Variants in TBC1D22A observed in about 807,000 individuals in gnomAD.
The protein encoded by TBC1D22A is putative GTPase activator.
TBC1D22A carries 38 observed loss-of-function variants against 60.2 expected under a neutral mutation model. The ratio of observed to expected loss-of-function variants is 0.63; its 90% CI spans 0.49 to 0.83. The LOEUF is 0.83. TBC1D22A is among the 40% of genes least tolerant of loss of function. The pLI, the probability that TBC1D22A is intolerant of heterozygous loss-of-function variation, is 0.00. For missense variants in TBC1D22A, 628 were observed against 701.0 expected, an observed-to-expected ratio of 0.90 and a Z score of 1.18; for synonymous variants, 302 against 281.7, an observed-to-expected ratio of 1.07 and a Z score of -0.72.
intron 4 of TBC1D22A, among the ~76,000 whole-genome samples, chr22:46,814,626 A>G (rs996277321): frequency 6.6e-6 from 1 of 151,756 alleles, no homozygotes; most frequent in African/African-American, 2.4e-5. Context: ...ATCTAATTAT[A>G]TATCTTCTTA....
intron 11 of TBC1D22A, among the ~76,000 whole-genome samples, chr22:47,097,347 G>T (rs570162685): frequency 7.8e-4 from 119 of 152,338 alleles, no homozygotes; most frequent in Non-Finnish European, 1.4e-3. Flanking sequence ...TGGGCACGGT[G>T]ACTCATGCCT....
chr22:47,012,978 G>A (rs554867658), intron 10 of TBC1D22A, among the ~76,000 whole-genome samples: 1 of 152,288 alleles, frequency 6.6e-6, no homozygotes, highest in South Asian at 2.1e-4. Context: ...ATGGCTTTTG[G>A]AAAGCCATCG....
At chr22:46,822,558 C>T (rs573672227) in intron 4 of TBC1D22A, among the ~76,000 whole-genome samples, 3 of 152,276 alleles carry the variant, frequency 2.0e-5, no homozygotes, top group African/African-American at 7.2e-5. Flanking sequence ...AACTGATTCA[C>T]TCCCATGCCT....
chr22:46,806,783 G>A (rs115884189), intron 4 of TBC1D22A, among the ~76,000 whole-genome samples: 1,995 of 152,276 alleles, frequency 0.013, 51 homozygotes, highest in African/African-American at 0.046. Flanking sequence ...CTGAGAGGGC[G>A]GAGGTGAGTG....
rs548415759 is a variant in TBC1D22A, at chr22:47,073,314, A to T, written c.1329+36116A>T. Among the ~76,000 whole-genome samples, 7 of 152,312 alleles carry T rather than the reference A, an allele frequency of 4.6e-5. No individual in the cohort carries two copies. The South Asian group carries it at 1.5e-3, about 32-fold the overall frequency. On this transcript the variant is annotated intron_variant, in intron 11 of 12. Coordinates refer to ENST00000337137, the MANE Select transcript of TBC1D22A (RefSeq NM_014346.5). Reference sequence around the variant, plus strand: ...TTCCAGATACTGAAGCACAGAGTCTATTTTGTGCCGCTGGCGGTTTCATTA... The same window carrying T: ...TTCCAGATACTGAAGCACAGAGTCTTTTTTGTGCCGCTGGCGGTTTCATTA...
chr22:46,938,591 T>C (rs558809983), intron 8 of TBC1D22A, among the ~76,000 whole-genome samples: 73 of 147,634 alleles, frequency 4.9e-4, no homozygotes, highest in African/African-American at 1.7e-3. Context: ...ATTTCTCTCT[T>C]TTTTTTTTTT....
intron 11 of TBC1D22A, among the ~76,000 whole-genome samples, chr22:47,083,764 G>A (rs1209510427): frequency 6.6e-6 from 1 of 152,146 alleles, no homozygotes; most frequent in Non-Finnish European, 1.5e-5. Flanking sequence ...ATATTCAAAT[G>A]GCCATCAAAC....
chr22:47,132,072 T>G (rs2066697458), intron 12 of TBC1D22A, among the ~76,000 whole-genome samples: 1 of 152,154 alleles, frequency 6.6e-6, no homozygotes, highest in South Asian at 2.1e-4. Flanking sequence ...CTCCCTCGGT[T>G]TCTGCACATA....
chr22:46,811,604 T>C (rs1394356313), intron 4 of TBC1D22A, among the ~76,000 whole-genome samples: 1 of 152,212 alleles, frequency 6.6e-6, no homozygotes, highest in African/African-American at 2.4e-5. Flanking sequence ...TCGAGCTGCG[T>C]GCTGAGCGCG....
intron 9 of TBC1D22A, among the ~76,000 whole-genome samples, chr22:46,985,690 G>C (rs1173804869): frequency 6.6e-6 from 1 of 152,106 alleles, no homozygotes; most frequent in Non-Finnish European, 1.5e-5. Context: ...TCTGGTCTTG[G>C]GCTGTTGTGA....
intron 1 of TBC1D22A, among the ~76,000 whole-genome samples, chr22:46,788,013 TG>T (rs1325549096): frequency 6.7e-6 from 1 of 149,466 alleles, no homozygotes; most frequent in East Asian, 2.0e-4. Flanking sequence ...CTCGGCTCAC[TG>T]CAAGCTCTGC....
Position 46,777,593 on chromosome 22 carries a change from G to A in TBC1D22A, c.62+14745G>A, listed in dbSNP as rs1160028098. Among the ~76,000 whole-genome samples the A allele has an allele frequency of 1.3e-5, 2 of 152,186 alleles. No individual in the cohort carries two copies. Among genetic ancestry groups the A allele is most frequent in the South Asian group, 2.1e-4 (1 of 4,828 alleles). ...TGAGGACTCGGCTTTGGGGAGCAGAGTTGGGAACACACAGAAGAGTCTGGG... is the reference window on the plus strand; with the variant it reads ...TGAGGACTCGGCTTTGGGGAGCAGAATTGGGAACACACAGAAGAGTCTGGG... On this transcript the variant is annotated intron_variant, in intron 1 of 12. Coordinates refer to ENST00000337137, the MANE Select transcript of TBC1D22A (RefSeq NM_014346.5). The surrounding 1 kb of genome is among the most constrained non-coding windows in gnomAD (Gnocchi z 4.5).
intron 12 of TBC1D22A, among the ~76,000 whole-genome samples, chr22:47,124,035 G>A (rs1427103794): frequency 6.6e-6 from 1 of 152,186 alleles, no homozygotes; most frequent in African/African-American, 2.4e-5. Flanking sequence ...CAACGGCTGG[G>A]CACATGGCAG....
At chr22:47,039,501 G>T (rs865950160) in intron 11 of TBC1D22A, among the ~76,000 whole-genome samples, 1 of 151,932 alleles carries the variant, frequency 6.6e-6, no homozygotes, top group Admixed American at 6.6e-5. Flanking sequence ...CTTGGGACAC[G>T]TGTCAATAAA....
Position 47,050,986 on chromosome 22 carries a change from C to T in TBC1D22A, c.1329+13788C>T, listed in dbSNP as rs565311702. Among the ~76,000 whole-genome samples the T allele has an allele frequency of 1.3e-3, 194 of 152,272 alleles. 5 individuals carry two copies. The South Asian group carries it at 0.039, about 30-fold the overall frequency. ...GGGCAGTCGCGGGGACCTTTGCAGCCGCCTGGGAATAGCAGCGCTCCCTTT... is the reference window on the plus strand; with the variant it reads ...GGGCAGTCGCGGGGACCTTTGCAGCTGCCTGGGAATAGCAGCGCTCCCTTT... On this transcript the variant is annotated intron_variant, in intron 11 of 12. Coordinates refer to ENST00000337137, the MANE Select transcript of TBC1D22A (RefSeq NM_014346.5).
chr22:46,772,986 A>G (rs191468604), intron 1 of TBC1D22A, among the ~76,000 whole-genome samples: 1 of 152,144 alleles, frequency 6.6e-6, no homozygotes, highest in East Asian at 1.9e-4. Context: ...AAAAGAAGTC[A>G]TCTCTGTTTT....
chr22:46,762,990 G>A (rs2083153869), intron 1 of TBC1D22A, 142 bp downstream of exon 1: 1 of 735,124 alleles, frequency 1.4e-6, no homozygotes, highest in East Asian at 3.4e-5. Flanking sequence ...TGTGACGGGC[G>A]TTGGGGGGCT....
At chr22:46,982,566 A>T (rs889994508) in intron 9 of TBC1D22A, among the ~76,000 whole-genome samples, 1 of 152,112 alleles carries the variant, frequency 6.6e-6, no homozygotes, top group African/African-American at 2.4e-5. Flanking sequence ...TTGGGGGAAA[A>T]GGCAAAACAG....
chr22:47,173,091 C>G (rs903085639), intron 12 of TBC1D22A, among the ~76,000 whole-genome samples: 1 of 152,242 alleles, frequency 6.6e-6, no homozygotes, highest in Non-Finnish European at 1.5e-5. Flanking sequence ...CAGCAGGGCC[C>G]CGAGAGCTGG....
Sources: allele counts gnomAD v4.1 joint callset (sites outside exome capture counted in the v4.1 genomes callset), GRCh38; gene constraint gnomAD v4.1.1; non-coding constraint Gnocchi (gnomAD v3.1); transcripts MANE v1.5; gene names NCBI Gene and HGNC (gene_info 2026-07-23, HGNC 2026-07-21).